The following CNTN5 variants were observed in gnomAD, a reference collection of about 807,000 sequenced individuals.
CNTN5 encodes the protein contactin-5.
Under a neutral mutation model 129.1 loss-of-function variants are expected in CNTN5, and 77 were observed. That is an observed-to-expected ratio of 0.60 (90% CI 0.50 to 0.72). The LOEUF is 0.72. Among genes scored for constraint, CNTN5 ranks in the 30% least tolerant of loss-of-function variants. The pLI is 0.00. For synonymous variants in CNTN5, 509 were observed against 465.6 expected (o/e 1.09, Z -1.20); for missense variants, 1,478 against 1,328.8 (o/e 1.11, Z -1.75).
chr11:99,710,436 T>G (rs1954927331), intron 3 of CNTN5, among the ~76,000 whole-genome samples: 1 of 151,836 alleles, frequency 6.6e-6, no homozygotes, highest in South Asian at 2.1e-4. Context: ...TGTCTGTTGT[T>G]GTTGTCGTTC....
At chr11:100,332,622 C>T (rs531436359) in intron 21 of CNTN5, among the ~76,000 whole-genome samples, 1 of 152,190 alleles carries the variant, frequency 6.6e-6, no homozygotes, top group South Asian at 2.1e-4. Context: ...AACTGGGTTT[C>T]ATACCAGGGA....
At chr11:100,232,076 C>T (rs1476335494) in intron 16 of CNTN5, among the ~76,000 whole-genome samples, 1 of 152,056 alleles carries the variant, frequency 6.6e-6, no homozygotes, top group Non-Finnish European at 1.5e-5. Flanking sequence ...ATTGCTTGAA[C>T]CTGGGAGGGG....
intron 6 of CNTN5, among the ~76,000 whole-genome samples, chr11:99,855,746 T>G (rs920757508): frequency 9.9e-5 from 15 of 152,180 alleles, no homozygotes; most frequent in African/African-American, 3.6e-4. Flanking sequence ...TTGTAAATAT[T>G]ATGTCAAACT....
chr11:99,634,809 T>C (rs984011472), intron 3 of CNTN5, among the ~76,000 whole-genome samples: 12 of 152,158 alleles, frequency 7.9e-5, no homozygotes, highest in African/African-American at 2.9e-4. Flanking sequence ...GGAACAGAAG[T>C]AGGCAAGATG....
At chr11:99,870,558 C>T (rs1342712887) in intron 6 of CNTN5, among the ~76,000 whole-genome samples, 1 of 152,058 alleles carries the variant, frequency 6.6e-6, no homozygotes, top group Non-Finnish European at 1.5e-5. Flanking sequence ...GTAAGCCAAC[C>T]AAACTAACAA....
chr11:99,817,346 CGTAGT>C (rs1161424925), intron 3 of CNTN5, among the ~76,000 whole-genome samples: 3 of 152,136 alleles, frequency 2.0e-5, no homozygotes, highest in Non-Finnish European at 4.4e-5. Flanking sequence ...GAAGACCTGG[CGTAGT>C]GCGCTTAGCC....
At chr11:100,008,080 T>C (rs1421995950) in intron 9 of CNTN5, among the ~76,000 whole-genome samples, 2 of 152,066 alleles carry the variant, frequency 1.3e-5, no homozygotes, top group African/African-American at 4.8e-5. Flanking sequence ...TATTTTAGTT[T>C]GCTGTCTTCT....
intron 3 of CNTN5, among the ~76,000 whole-genome samples, chr11:99,645,371 A>T (rs1036480419): frequency 6.6e-6 from 1 of 151,678 alleles, no homozygotes; most frequent in Non-Finnish European, 1.5e-5. Context: ...TGCCTAATGT[A>T]TATACCCAGT....
At chr11:99,468,363 A>G (rs1269355532) in intron 2 of CNTN5, among the ~76,000 whole-genome samples, 2 of 152,184 alleles carry the variant, frequency 1.3e-5, no homozygotes, top group African/African-American at 2.4e-5. Context: ...ACTATGTGCT[A>G]CCACCTTTCC....
intron 13 of CNTN5, among the ~76,000 whole-genome samples, chr11:100,127,651 CTTTTT>C (rs66468227): frequency 0.14 from 11,338 of 80,932 alleles, 329 homozygotes; most frequent in East Asian, 0.2. Flanking sequence ...TTCTTTCTTT[CTTTTT>C]TTTTTTTTTT....
At chr11:100,311,068 A>G (rs1309328137) in intron 21 of CNTN5, among the ~76,000 whole-genome samples, 13 of 151,878 alleles carry the variant, frequency 8.6e-5, no homozygotes, top group Admixed American at 8.5e-4. Context: ...CTCAATCTGG[A>G]AGGTAGATAA....
At chr11:99,465,751 C>A (rs1363339068) in intron 2 of CNTN5, among the ~76,000 whole-genome samples, 1 of 151,220 alleles carries the variant, frequency 6.6e-6, no homozygotes, top group African/African-American at 2.4e-5. Context: ...GCAGGCTGCA[C>A]AGGAAGCATG....
In CNTN5 at chr11:99,726,491, T is replaced by C. The variant is rs140375878; in HGVS notation, c.56-93053T>C. ...AGCAAAACGAAATAGAACAATTTGC[T>C]TGAGAATTACTGTGGATTATTTACT... is the stretch of plus-strand genomic sequence containing the variant. On this transcript the variant is annotated intron_variant, in intron 3 of 24. Transcript: ENST00000524871. 3.1e-3 allele frequency among the ~76,000 whole-genome samples: 478 copies of C among 152,324 alleles called. 2 individuals carry two copies. The highest frequency in any genetic ancestry group is 0.01 in the African/African-American group (426 of 41,568).
intron 2 of CNTN5, among the ~76,000 whole-genome samples, chr11:99,346,888 C>A (rs192867098): frequency 6.6e-6 from 1 of 152,294 alleles, no homozygotes; most frequent in East Asian, 1.9e-4. Flanking sequence ...GCTGCTACAC[C>A]TTTATCTTGG....
At chr11:100,071,683 A>T in intron 11 of CNTN5, 22 bp from the exon 12 acceptor site, 1 of 1,525,982 alleles carries the variant, frequency 6.6e-7, no homozygotes, top group Non-Finnish European at 8.8e-7. Context: ...TTCTAGATCT[A>T]ATTTTTTTAA....
At chr11:99,178,056 T>G (rs969650128) in intron 1 of CNTN5, among the ~76,000 whole-genome samples, 1 of 151,986 alleles carries the variant, frequency 6.6e-6, no homozygotes, top group Non-Finnish European at 1.5e-5. Context: ...ATTAAAACAC[T>G]ATCGATTATG....
chr11:99,371,582 G>T (rs370186106), intron 2 of CNTN5, among the ~76,000 whole-genome samples: 1 of 152,040 alleles, frequency 6.6e-6, no homozygotes, highest in Non-Finnish European at 1.5e-5. Flanking sequence ...AGAATTAAAC[G>T]TATTTGATGG....
At chr11:99,088,878 C>G (rs959992670) in intron 1 of CNTN5, among the ~76,000 whole-genome samples, 5 of 152,156 alleles carry the variant, frequency 3.3e-5, no homozygotes, top group Admixed American at 2.0e-4. Flanking sequence ...TATCAATTCT[C>G]TACTCAATTT....
chr11:99,957,002 T>A lies in CNTN5; in HGVS notation c.870T>A (p.Arg290=), dbSNP rs1216580423. The A allele has an allele frequency of 6.2e-7, 1 of 1,613,368 alleles. No individual in the cohort carries two copies. Among genetic ancestry groups the A allele is most frequent in the African/African-American group, 1.3e-5 (1 of 75,028 alleles). ...GTCCTCCAACGCCACTCACTCTGCG[T>A]AATGATGGTAAGTTGCTTGGCCCGT... ...VLSPPTPLTL[R]NDGVMGEYEP... Residue 290 remains arginine, a synonymous_variant, in exon 8 of 25, where the codon CGT becomes CGA. Transcript: ENST00000524871.
Sources: gnomAD v4.1 joint callset for allele counts (sites outside exome capture counted in the v4.1 genomes callset) on GRCh38, gnomAD v4.1.1 for gene constraint, MANE v1.5 for transcripts, NCBI Gene and HGNC (gene_info 2026-07-23, HGNC 2026-07-21) for gene names.